The following ARHGAP15 variants were observed in gnomAD, a reference collection of about 807,000 sequenced individuals.
ARHGAP15 encodes the protein Rho GTPase activating protein 15, also known as rho GTPase-activating protein 15.
Under a neutral mutation model 63.7 loss-of-function variants are expected in ARHGAP15, and 51 were observed. The observed-to-expected ratio is 0.80, with a 90% CI of 0.64 to 1.01. The LOEUF is 1.01. Among genes scored for constraint, ARHGAP15 ranks in the 50% least tolerant of loss-of-function variants. The pLI is 0.00. For synonymous variants in ARHGAP15, 191 were observed against 193.8 expected (o/e 0.99, Z 0.12); for missense variants, 560 against 564.6 (o/e 0.99, Z 0.08).
chr2:143,169,863 C>G (rs563886168), intron 2 of ARHGAP15, among the ~76,000 whole-genome samples: 1 of 151,932 alleles, frequency 6.6e-6, no homozygotes, highest in Non-Finnish European at 1.5e-5. Context: ...GTTCAATAAT[C>G]TGACCAGTAA....
In ARHGAP15 at chr2:143,580,479, C is replaced by T. The variant is rs569686753; in HGVS notation, c.1003+23994C>T. ...GTTTATTTCCACCTCGATGACTTGCCGGTGACAACAGATTCTGTATTCTGG... is the reference window on the plus strand; with the variant it reads ...GTTTATTTCCACCTCGATGACTTGCTGGTGACAACAGATTCTGTATTCTGG... On this transcript the variant is annotated intron_variant, in intron 11 of 13. Coordinates refer to ENST00000295095, the MANE Select transcript of ARHGAP15 (RefSeq NM_018460.4). Among the ~76,000 whole-genome samples the T allele has an allele frequency of 2.6e-5, 4 of 152,168 alleles. No homozygotes were observed. In the East Asian group the frequency reaches 5.8e-4, roughly 22 times the overall value.
In ARHGAP15 at chr2:143,243,249, A is replaced by G. The variant is rs944838085; in HGVS notation, c.385-7262A>G. 7.2e-5 allele frequency among the ~76,000 whole-genome samples: 11 copies of G among 152,328 alleles called. 1 individual carries two copies. In the South Asian group the frequency reaches 2.3e-3, roughly 32 times the overall value. ...CCCACAGGTTTAATCTAAGTCAGAG[A>G]AAAAAGTATTACAGAGAAAATACTC... On this transcript the variant is annotated intron_variant, in intron 5 of 13. Coordinates refer to ENST00000295095, the MANE Select transcript of ARHGAP15 (RefSeq NM_018460.4).
intron 6 of ARHGAP15, among the ~76,000 whole-genome samples, chr2:143,409,672 T>C (rs906730241): frequency 2.6e-5 from 4 of 152,142 alleles, no homozygotes; most frequent in African/African-American, 9.7e-5. Context: ...ACAGTATTTT[T>C]ACCATACCAT....
At chr2:143,277,897 C>T (rs1187470227) in intron 6 of ARHGAP15, among the ~76,000 whole-genome samples, 1 of 152,114 alleles carries the variant, frequency 6.6e-6, no homozygotes, top group Non-Finnish European at 1.5e-5. Flanking sequence ...TATGCATCTC[C>T]AGCATCTTAC....
intron 12 of ARHGAP15, among the ~76,000 whole-genome samples, chr2:143,698,426 T>G (rs1683943809): frequency 6.6e-6 from 1 of 152,192 alleles, no homozygotes; most frequent in Non-Finnish European, 1.5e-5. Context: ...CTCAAAACTA[T>G]AAAGCCACAT....
At chr2:143,732,576 A>T (rs1053858003) in intron 13 of ARHGAP15, among the ~76,000 whole-genome samples, 9 of 152,162 alleles carry the variant, frequency 5.9e-5, no homozygotes, top group Admixed American at 3.3e-4. Context: ...CAAGCATAGA[A>T]CTATAACTGT....
intron 12 of ARHGAP15, among the ~76,000 whole-genome samples, chr2:143,631,285 C>T (rs565114307): frequency 2.0e-5 from 3 of 152,138 alleles, no homozygotes; most frequent in Non-Finnish European, 4.4e-5. Flanking sequence ...AATCTGTGAA[C>T]ATTTATATAC....
intron 6 of ARHGAP15, among the ~76,000 whole-genome samples, chr2:143,342,815 T>C (rs1042496370): frequency 3.9e-5 from 6 of 152,046 alleles, no homozygotes; most frequent in Non-Finnish European, 8.8e-5. Context: ...TCTTAAAATC[T>C]CTCTCCTTAG....
intron 11 of ARHGAP15, among the ~76,000 whole-genome samples, chr2:143,622,780 TTAA>T (rs1281992976): frequency 0.018 from 1,516 of 85,306 alleles, 24 homozygotes; most frequent in African/African-American, 0.046. Flanking sequence ...GTTCATTTAT[TTAA>T]AAAAAAAAAA....
intron 2 of ARHGAP15, among the ~76,000 whole-genome samples, chr2:143,169,071 A>G (rs1690661200): frequency 6.6e-6 from 1 of 152,100 alleles, no homozygotes; most frequent in South Asian, 2.1e-4. Flanking sequence ...TGCAACTGGC[A>G]TGTTGAATTC....
At chr2:143,534,292 C>T (rs975235868) in intron 10 of ARHGAP15, among the ~76,000 whole-genome samples, 12 of 152,122 alleles carry the variant, frequency 7.9e-5, no homozygotes, top group Non-Finnish European at 8.8e-5. Flanking sequence ...GTAAGTCTTC[C>T]GAGGCCTCTC....
intron 6 of ARHGAP15, among the ~76,000 whole-genome samples, chr2:143,261,452 C>T (rs181289821): frequency 9.2e-4 from 138 of 150,324 alleles, no homozygotes; most frequent in African/African-American, 3.3e-3. Context: ...AATTCTCCTG[C>T]CTCAGTCTCC....
At chr2:143,377,800 TAA>T (rs1441179524) in intron 6 of ARHGAP15, among the ~76,000 whole-genome samples, 5 of 152,218 alleles carry the variant, frequency 3.3e-5, no homozygotes, top group East Asian at 3.9e-4. Context: ...TACATCAGTT[TAA>T]GACATTTCAG....
chr2:143,517,387 C>A lies in ARHGAP15; in HGVS notation c.827-1879C>A, dbSNP rs374200464. Among the ~76,000 whole-genome samples the A allele has an allele frequency of 7.2e-5, 11 of 152,250 alleles. No homozygotes were observed. In the East Asian group the frequency reaches 1.7e-3, roughly 24 times the overall value. On this transcript the variant is annotated intron_variant, in intron 9 of 13. Transcript: ENST00000295095. ...TCTCTCTACACTCGATTTTGAGTAT[C>A]CCCTTATAACAATATATATCACTGA...
intron 6 of ARHGAP15, among the ~76,000 whole-genome samples, chr2:143,275,857 C>G (rs938826588): frequency 1.3e-5 from 2 of 152,226 alleles, no homozygotes; most frequent in African/African-American, 4.8e-5. Context: ...CTTCCCAATG[C>G]TGAGCCATTT....
At chr2:143,205,775 T>C (rs892164177) in intron 3 of ARHGAP15, among the ~76,000 whole-genome samples, 1 of 152,084 alleles carries the variant, frequency 6.6e-6, no homozygotes, top group Admixed American at 6.6e-5. Context: ...ATTTTCTTTA[T>C]ATTCTTTATT....
At chr2:143,134,346 T>A (rs1689045709) in intron 1 of ARHGAP15, among the ~76,000 whole-genome samples, 1 of 152,218 alleles carries the variant, frequency 6.6e-6, no homozygotes, top group South Asian at 2.1e-4. Context: ...GAAGCTTCAT[T>A]GCTTTTTCAA....
At chr2:143,593,177 C>G (rs565050770) in intron 11 of ARHGAP15, 2 of 152,252 alleles carry the variant, frequency 1.3e-5, no homozygotes, top group African/African-American at 4.8e-5. Flanking sequence ...TGGCGTCTTC[C>G]CTAAAATACA....
chr2:143,535,287 C>G (rs887229601), intron 10 of ARHGAP15, among the ~76,000 whole-genome samples: 5 of 152,092 alleles, frequency 3.3e-5, no homozygotes, highest in Non-Finnish European at 7.4e-5. Flanking sequence ...GTACTTGCCC[C>G]CTTATTCTCC....
Sources: gnomAD v4.1 joint callset for allele counts (sites outside exome capture counted in the v4.1 genomes callset) on GRCh38, gnomAD v4.1.1 for gene constraint, MANE v1.5 for transcripts, NCBI Gene and HGNC (gene_info 2026-07-23, HGNC 2026-07-21) for gene names.